The following QTMAN variants were observed in gnomAD, a reference collection of about 807,000 sequenced individuals.
The protein encoded by QTMAN is queuosine-tRNA mannosyltransferase.
At chr2:144,151,887 T>C in the QTMAN span, among the ~76,000 whole-genome samples, 1 of 152,230 alleles carries the variant, frequency 6.6e-6, no homozygotes, top group Non-Finnish European at 1.5e-5. Context: ...GGACCATTTC[T>C]ACTGCATGTT....
At chr2:144,075,191 C>T in the QTMAN span, among the ~76,000 whole-genome samples, 2 of 152,026 alleles carry the variant, frequency 1.3e-5, no homozygotes, top group Admixed American at 1.3e-4. Context: ...ATGAAGTCAC[C>T]AAAGATGCTG....
chr2:144,058,201 TTCTC>T, the QTMAN span, among the ~76,000 whole-genome samples: 3 of 143,470 alleles, frequency 2.1e-5, no homozygotes. Flanking sequence ...CTTTCTCTCT[TTCTC>T]TTTGGGATTT....
chr2:144,035,103 T>G, the QTMAN span, among the ~76,000 whole-genome samples: 2 of 152,200 alleles, frequency 1.3e-5, no homozygotes. Flanking sequence ...GGCAAATCTG[T>G]CATGGCCTGG....
the QTMAN span, among the ~76,000 whole-genome samples, chr2:144,001,728 T>A: frequency 1.3e-5 from 2 of 151,900 alleles, no homozygotes; most frequent in South Asian, 4.1e-4. Flanking sequence ...TAGGGCTTCC[T>A]AGCTACTTAG....
At chr2:144,020,813 C>G in the QTMAN span, among the ~76,000 whole-genome samples, 1 of 151,818 alleles carries the variant, frequency 6.6e-6, no homozygotes, top group East Asian at 1.9e-4. Context: ...GAAATATTCA[C>G]ATTGATAATT....
chr2:144,276,926 G>A, the QTMAN span, among the ~76,000 whole-genome samples: 3 of 152,190 alleles, frequency 2.0e-5, no homozygotes, highest in Non-Finnish European at 4.4e-5. Context: ...AATTTGGGGA[G>A]TGGCACTGAT....
At chr2:144,014,963 T>A in the QTMAN span, among the ~76,000 whole-genome samples, 1 of 152,218 alleles carries the variant, frequency 6.6e-6, no homozygotes, top group African/African-American at 2.4e-5. Context: ...ACTTAAATAA[T>A]TATGCCTAAA....
At chr2:144,185,156 T>G in the QTMAN span, among the ~76,000 whole-genome samples, 1 of 152,176 alleles carries the variant, frequency 6.6e-6, no homozygotes, top group Non-Finnish European at 1.5e-5. Flanking sequence ...CAAAAATATA[T>G]TATCTCATTT....
At chr2:144,308,356 C>A in the QTMAN span, among the ~76,000 whole-genome samples, 6 of 151,744 alleles carry the variant, frequency 4.0e-5, no homozygotes, top group African/African-American at 1.2e-4. Context: ...TTAGTACAGA[C>A]GGGGTTTCAC....
the QTMAN span, among the ~76,000 whole-genome samples, chr2:144,184,707 C>T: frequency 1.1e-4 from 16 of 152,122 alleles, no homozygotes; most frequent in South Asian, 2.1e-4. Context: ...TTCCTTAGCA[C>T]TTAAAATTAT....
chr2:144,220,715 A>G, the QTMAN span, among the ~76,000 whole-genome samples: 1 of 152,222 alleles, frequency 6.6e-6, no homozygotes, highest in Non-Finnish European at 1.5e-5. Flanking sequence ...ATATGGGATC[A>G]TTAGTCTGTC....
the QTMAN span, among the ~76,000 whole-genome samples, chr2:144,056,042 T>A: frequency 6.6e-6 from 1 of 152,202 alleles, no homozygotes; most frequent in Non-Finnish European, 1.5e-5. Context: ...GAAGATTATA[T>A]TAGCTAATAC....
At chr2:144,014,062 C>A in the QTMAN span, among the ~76,000 whole-genome samples, 2 of 152,146 alleles carry the variant, frequency 1.3e-5, no homozygotes, top group Admixed American at 1.3e-4. Context: ...GGAAACCCAT[C>A]CCAATTTAAA....
At chr2:144,244,993 G>C in the QTMAN span, among the ~76,000 whole-genome samples, 1 of 152,176 alleles carries the variant, frequency 6.6e-6, no homozygotes, top group Non-Finnish European at 1.5e-5. Flanking sequence ...GACAAGAAAT[G>C]TAACCTCTTT....
chr2:144,101,737 A>T, the QTMAN span, among the ~76,000 whole-genome samples: 12 of 152,006 alleles, frequency 7.9e-5, no homozygotes, highest in African/African-American at 2.9e-4. Flanking sequence ...TCCCTTTTTG[A>T]ATGTAAAAAT....
the QTMAN span, among the ~76,000 whole-genome samples, chr2:144,170,205 T>C: frequency 1.7e-4 from 26 of 152,178 alleles, no homozygotes; most frequent in Admixed American, 1.6e-3. Flanking sequence ...CCAATTACCA[T>C]ATATAATGCT....
At chr2:144,104,666 A>G in the QTMAN span, among the ~76,000 whole-genome samples, 1 of 152,074 alleles carries the variant, frequency 6.6e-6, no homozygotes, top group Non-Finnish European at 1.5e-5. Flanking sequence ...GCCTCTGTAG[A>G]CTCCACCTCT....
the QTMAN span, among the ~76,000 whole-genome samples, chr2:144,020,366 CA>C: frequency 6.6e-6 from 1 of 152,162 alleles, no homozygotes; most frequent in East Asian, 1.9e-4. Context: ...AGAAGCACAT[CA>C]GGGGAGGAAC....
At chr2:144,095,635 T>A in the QTMAN span, among the ~76,000 whole-genome samples, 2 of 152,154 alleles carry the variant, frequency 1.3e-5, no homozygotes, top group African/African-American at 4.8e-5. Flanking sequence ...GGTATGCTTT[T>A]GAGCATAGAT....
Sources: allele counts gnomAD v4.1 joint callset (sites outside exome capture counted in the v4.1 genomes callset), GRCh38; gene constraint gnomAD v4.1.1; transcripts MANE v1.5; gene names NCBI Gene and HGNC (gene_info 2026-07-23, HGNC 2026-07-21).